Variants in SMUG1 observed in about 807,000 individuals in gnomAD.
SMUG1 encodes single-strand selective monofunctional uracil DNA glycosylase.
SMUG1 carries 13 observed loss-of-function variants against 23.9 expected under a neutral mutation model. That is an observed-to-expected ratio of 0.54 (90% CI 0.35 to 0.86). SMUG1 has a LOEUF of 0.86. SMUG1 is among the 40% of genes least tolerant of loss of function. The probability of loss-of-function intolerance (pLI) is 0.01; values close to 1 mark genes in which losing one functional copy is unlikely to be tolerated. For synonymous variants in SMUG1, 133 were observed against 139.8 expected (o/e 0.95, Z 0.34); for missense variants, 313 against 339.5 (o/e 0.92, Z 0.61).
At chr12:54,171,929 A>T (rs1940630156) in intron 3 of SMUG1, 38 of 380,374 alleles carry the variant, frequency 1.0e-4, no homozygotes, top group South Asian at 7.2e-4. Context: ...GCTCTCACTA[A>T]TCCCTTGGCT....
chr12:54,173,052 C>T, intron 2 of SMUG1: 2 of 89,310 alleles, frequency 2.2e-5, no homozygotes, highest in Non-Finnish European at 4.6e-5. Flanking sequence ...TGGAAGGATG[C>T]AGAAGGCCAG....
chr12:54,161,859 C>T (rs1425557187), downstream of SMUG1, among the ~76,000 whole-genome samples: 2 of 152,136 alleles, frequency 1.3e-5, no homozygotes, highest in Non-Finnish European at 2.9e-5. The surrounding 1 kb of genome is among the most constrained non-coding windows in gnomAD (Gnocchi z 4.2). Flanking sequence ...ATCTCCCAGG[C>T]GGAGGCGGCA....
chr12:54,167,616 C>A (rs923023929), intron 3 of SMUG1, among the ~76,000 whole-genome samples: 4 of 152,116 alleles, frequency 2.6e-5, no homozygotes, highest in Admixed American at 2.6e-4. Context: ...GCATTCACAC[C>A]AAAGTACTGA....
downstream of SMUG1, among the ~76,000 whole-genome samples, chr12:54,161,333 C>T (rs1037950393): frequency 1.3e-5 from 2 of 152,200 alleles, no homozygotes; most frequent in African/African-American, 4.8e-5. The surrounding 1 kb of genome is among the most constrained non-coding windows in gnomAD (Gnocchi z 4.2). Flanking sequence ...CAAACCACCA[C>T]GTGAGGAGGA....
chr12:54,181,658 A>T lies in SMUG1; in HGVS notation c.*438T>A, dbSNP rs1941100195. ...GCTTTGTCTTGGTCCCTGTGAGGAA[A>T]GGGGTCAGCTAAAGGTAACTGTTCT... is the stretch of plus-strand genomic sequence containing the variant. On this transcript the variant is annotated 3_prime_UTR_variant, in exon 4 of 4. Transcript: ENST00000682136. The T allele has an allele frequency of 3.1e-6, 5 of 1,589,170 alleles. No individual in the cohort carries two copies. The South Asian group carries it at 5.6e-5, about 18-fold the overall frequency.
chr12:54,182,519 C>A lies in SMUG1; in HGVS notation c.390G>T (p.Glu130Asp). ...EHPKRPVLGLECPQSEVSGAR... is the reference protein window; with the variant it reads ...EHPKRPVLGLDCPQSEVSGAR... ...CACCACTCACTTCTGACTGTGGGCACTCCAGTCCCAGCACTGGTCGTTTAG... is the reference window on the plus strand; with the variant it reads ...CACCACTCACTTCTGACTGTGGGCAATCCAGTCCCAGCACTGGTCGTTTAG... The change falls in exon 4 of 4, where the codon GAG becomes GAT. Residue 130 changes from glutamate (E) to aspartate (D), a missense_variant. Coordinates refer to ENST00000682136, the MANE Select transcript of SMUG1 (RefSeq NM_001243787.2). 6.2e-7 allele frequency: 1 copy of A among 1,614,150 alleles called. No homozygotes were observed. The highest frequency in any genetic ancestry group is 8.5e-7 in the Non-Finnish European group (1 of 1,180,016).
At position 54,182,580 on chromosome 12, in the gene SMUG1, A is replaced by G. The variant is rs1941358866; in HGVS notation, c.329T>C (p.Ile110Thr). The change falls in exon 4 of 4, where the codon ATT becomes ACT. Residue 110 changes from isoleucine to threonine, a missense_variant. By Grantham distance (89) the Ile-to-Thr change is moderately conservative (BLOSUM62 -1). Transcript: ENST00000682136. ...GGGAGGGGTCAGCACAGGCCCCACA[A>G]TGCCCAACCAGTCCCGGACCATGCT... is the stretch of plus-strand genomic sequence containing the variant. ...EVSMVRDWLGIVGPVLTPPQE... is the reference protein window; with the variant it reads ...EVSMVRDWLGTVGPVLTPPQE... 2 of 1,613,962 alleles carry G rather than the reference A, an allele frequency of 1.2e-6. No homozygotes were observed. The highest frequency in any genetic ancestry group is 1.3e-5 in the African/African-American group (1 of 74,900).
downstream of SMUG1, chr12:54,162,990 G>C (rs1940321660): frequency 6.6e-6 from 1 of 152,256 alleles, no homozygotes. Flanking sequence ...GGGCTAGGAG[G>C]CTGCACAGCA....
At chr12:54,159,851 G>A (rs1940187435), downstream of SMUG1, among the ~76,000 whole-genome samples, 1 of 152,236 alleles carries the variant, frequency 6.6e-6, no homozygotes, top group Non-Finnish European at 1.5e-5. Flanking sequence ...ATCAGCCAGG[G>A]CGCAGCCTGG....
At chr12:54,178,848 T>C (rs1940815516), downstream of SMUG1, among the ~76,000 whole-genome samples, 1 of 152,060 alleles carries the variant, frequency 6.6e-6, no homozygotes, top group Non-Finnish European at 1.5e-5. Flanking sequence ...GAGATTAACA[T>C]TTGAGTTAGT....
chr12:54,174,650 G>A (rs1038835467), intron 2 of SMUG1, among the ~76,000 whole-genome samples: 3 of 152,244 alleles, frequency 2.0e-5, no homozygotes, highest in East Asian at 1.9e-4. Flanking sequence ...GGGTCAAGCT[G>A]CTTCAATTAA....
At chr12:54,184,431 G>A in intron 2 of SMUG1, 1 of 152,678 alleles carries the variant, frequency 6.5e-6, no homozygotes, top group East Asian at 1.9e-4. Flanking sequence ...AGAGACCTGG[G>A]AAGGCTAATT....
At chr12:54,163,885 T>G (rs749494176), downstream of SMUG1, among the ~76,000 whole-genome samples, 1 of 152,226 alleles carries the variant, frequency 6.6e-6, no homozygotes, top group Non-Finnish European at 1.5e-5. Flanking sequence ...ATTTTAGTCT[T>G]GTTACTGCAA....
downstream of SMUG1, among the ~76,000 whole-genome samples, chr12:54,164,159 G>A (rs1257609528): frequency 5.3e-5 from 8 of 152,042 alleles, no homozygotes; most frequent in Non-Finnish European, 8.8e-5. Flanking sequence ...AGAGAGTAAA[G>A]GGGATGCCAC....
At chr12:54,172,864 TCTTAA>T (rs1335115598) in intron 2 of SMUG1, 2 of 152,732 alleles carry the variant, frequency 1.3e-5, no homozygotes, top group Admixed American at 1.3e-4. Flanking sequence ...CTCCCACTCT[TCTTAA>T]CTTAGCTTCC....
chr12:54,171,521 C>G (rs1287742401), intron 3 of SMUG1, among the ~76,000 whole-genome samples: 1 of 151,384 alleles, frequency 6.6e-6, no homozygotes, highest in African/African-American at 2.4e-5. Flanking sequence ...GAAACCCCGT[C>G]TCTACTAAAA....
rs567006406 is a variant in SMUG1 at position 54,172,214 on chromosome 12, C to T, written c.399-105G>A. ...TTTTACTGTAACTTATTAGTTTCTA[C>T]GTGATGTGGCTCCCCATCACCTCTT... is the stretch of plus-strand genomic sequence containing the variant. On this transcript the variant is annotated intron_variant and NMD_transcript_variant, in intron 2 of 4. Coordinates refer to the SMUG1 transcript ENST00000509864. The T allele has an allele frequency of 9.1e-4, 383 of 418,966 alleles. 4 individuals are homozygous for T. The highest frequency in any genetic ancestry group is 5.9e-3 in the South Asian group (370 of 62,330). 26.0% of individuals were successfully genotyped at this position (418,966 alleles called of 1,614,324 possible). A position where few individuals can be genotyped will look rare whatever the true frequency, so the allele number is the denominator to read the frequency against.
At chr12:54,178,366 A>G (rs539599706), downstream of SMUG1, among the ~76,000 whole-genome samples, 1 of 152,310 alleles carries the variant, frequency 6.6e-6, no homozygotes, top group South Asian at 2.1e-4. Flanking sequence ...CGACTCTGCC[A>G]TACCCAGGCC....
chr12:54,177,126 G>A (rs1261381625), downstream of SMUG1, among the ~76,000 whole-genome samples: 1 of 152,192 alleles, frequency 6.6e-6, no homozygotes, highest in Non-Finnish European at 1.5e-5. Flanking sequence ...CCAGGTGTGG[G>A]ATTACATACT....
Sources: gnomAD v4.1 joint callset for allele counts (sites outside exome capture counted in the v4.1 genomes callset) on GRCh38, gnomAD v4.1.1 for gene constraint, Gnocchi (gnomAD v3.1) non-coding constraint, MANE v1.5 for transcripts, NCBI Gene and HGNC (gene_info 2026-07-23, HGNC 2026-07-21) for gene names.